CLEC16A: variants seen among roughly 807,000 people sequenced by gnomAD.
CLEC16A encodes C-type lectin domain containing 16A.
CLEC16A carries 51 observed loss-of-function variants against 109.5 expected under a neutral mutation model. The observed-to-expected ratio is 0.47, with a 90% confidence interval of 0.37 to 0.59. The LOEUF is 0.59. CLEC16A is among the 20% of genes least tolerant of loss of function. The probability of loss-of-function intolerance (pLI) is 0.00; values close to 1 mark genes in which losing one functional copy is unlikely to be tolerated. For synonymous variants in CLEC16A, 673 were observed against 564.2 expected, an observed-to-expected ratio of 1.19 and a Z score of -2.73; for missense variants, 1,339 against 1,394.0, an observed-to-expected ratio of 0.96 and a Z score of 0.63.
chr16:11,061,393 A>G (rs1442619245), intron 19 of CLEC16A, among the ~76,000 whole-genome samples: 1 of 152,218 alleles, frequency 6.6e-6, no homozygotes, highest in Non-Finnish European at 1.5e-5. Flanking sequence ...TAATGATAAA[A>G]GGGTTCTGCT....
chr16:11,168,761 A>C (rs2068380127), intron 23 of CLEC16A, among the ~76,000 whole-genome samples: 1 of 152,276 alleles, frequency 6.6e-6, no homozygotes, highest in South Asian at 2.1e-4. Flanking sequence ...AGATGGCTCC[A>C]ACATCTGCCT....
intron 19 of CLEC16A, among the ~76,000 whole-genome samples, chr16:11,104,026 C>T (rs545978902): frequency 6.6e-6 from 1 of 152,270 alleles, no homozygotes; most frequent in South Asian, 2.1e-4. Context: ...TCTGTGGGTA[C>T]CAGGATCCCC....
chr16:11,005,785 A>G (rs1180535823), intron 11 of CLEC16A, among the ~76,000 whole-genome samples: 2 of 152,134 alleles, frequency 1.3e-5, no homozygotes, highest in Non-Finnish European at 2.9e-5. Context: ...TTCTTCATTC[A>G]CATTGCATAC....
chr16:11,137,367 TG>T (rs981343702), intron 22 of CLEC16A, among the ~76,000 whole-genome samples: 8 of 152,038 alleles, frequency 5.3e-5, no homozygotes, highest in African/African-American at 1.7e-4. Flanking sequence ...ATTTGATTTT[TG>T]CCTTAAAATC....
chr16:11,055,337 T>A (rs1399333073), intron 18 of CLEC16A, among the ~76,000 whole-genome samples: 2 of 151,946 alleles, frequency 1.3e-5, no homozygotes, highest in Admixed American at 6.6e-5. Flanking sequence ...TCTGCAGAGT[T>A]GACATCTGAG....
At chr16:11,108,124 G>A (rs1950773786) in intron 19 of CLEC16A, among the ~76,000 whole-genome samples, 1 of 152,278 alleles carries the variant, frequency 6.6e-6, no homozygotes. Flanking sequence ...CAGCTTGGAA[G>A]GGTAGCCATC....
chr16:11,093,299 A>G (rs1300094702), intron 19 of CLEC16A, among the ~76,000 whole-genome samples: 2 of 152,202 alleles, frequency 1.3e-5, no homozygotes, highest in East Asian at 3.8e-4. Context: ...GGACATTTGG[A>G]GAACAAAGCC....
rs867662959 is a variant in CLEC16A at position 10,948,060 on chromosome 16, A to T, written c.80+3263A>T. 2.8e-4 allele frequency among the ~76,000 whole-genome samples: 43 copies of T among 151,964 alleles called. 1 individual carries two copies. Among genetic ancestry groups the T allele is most frequent in the South Asian group, 2.1e-4 (1 of 4,816 alleles). On this transcript the variant is annotated intron_variant, in intron 1 of 23. Coordinates refer to ENST00000409790, the MANE Select transcript of CLEC16A (RefSeq NM_015226.3). ...AGGCGCCCGCCACCACGCCCAGCTA[A>T]TTTTTTGTATTTTTAGTAGAGACGG...
chr16:11,069,465 C>A (rs898711076), intron 19 of CLEC16A, among the ~76,000 whole-genome samples: 1 of 151,720 alleles, frequency 6.6e-6, no homozygotes, highest in Non-Finnish European at 1.5e-5. Context: ...TACAAGGTCT[C>A]GCTCTGTCGT....
rs192618671 is a variant in CLEC16A, at chr16:10,948,100, A to G, written c.80+3303A>G. 1.4e-3 allele frequency among the ~76,000 whole-genome samples: 208 copies of G among 152,212 alleles called. 1 individual carries two copies. The highest frequency in any genetic ancestry group is 3.0e-3 in the African/African-American group (125 of 41,518). The stretch of plus-strand genomic sequence containing the variant: ...AGTAGAGACGGGGTTTCACCGTGTT[A>G]GCCAGGATGGTCTCGATCTCCTGAC... On this transcript the variant is annotated intron_variant, in intron 1 of 23. Transcript: ENST00000409790.
At chr16:11,117,067 G>A (rs7186295) in intron 19 of CLEC16A, among the ~76,000 whole-genome samples, 66,935 of 152,042 alleles carry the variant, frequency 0.44, 14,850 homozygotes, top group Middle Eastern at 0.49. Context: ...TAAGTGAATT[G>A]ATGTGGGAAC....
intron 5 of CLEC16A, chr16:10,972,352 T>G: frequency 1.7e-6 from 1 of 580,908 alleles, no homozygotes; most frequent in South Asian, 2.2e-5. Flanking sequence ...ATTGTGACCC[T>G]GGTCCAAGCC....
intron 15 of CLEC16A, among the ~76,000 whole-genome samples, chr16:11,042,580 A>G (rs1054056647): frequency 3.9e-5 from 6 of 152,136 alleles, no homozygotes; most frequent in African/African-American, 1.4e-4. Context: ...CACTTAATTG[A>G]GTTTTAGTAG....
intron 10 of CLEC16A, among the ~76,000 whole-genome samples, chr16:10,986,067 G>T (rs1023818742): frequency 8.1e-6 from 1 of 123,230 alleles, no homozygotes. Context: ...GTCTCGCTCT[G>T]TCGCCCAGGC....
intron 19 of CLEC16A, among the ~76,000 whole-genome samples, chr16:11,063,109 G>T (rs1056971433): frequency 6.6e-6 from 1 of 152,086 alleles, no homozygotes; most frequent in Non-Finnish European, 1.5e-5. Context: ...TTTTTGGGTA[G>T]TTGGCCATTA....
intron 10 of CLEC16A, among the ~76,000 whole-genome samples, chr16:11,001,266 T>A (rs2044654141): frequency 6.6e-6 from 1 of 152,150 alleles, no homozygotes; most frequent in Non-Finnish European, 1.5e-5. Flanking sequence ...TTCTATTTTT[T>A]GTAGAGATGG....
intron 19 of CLEC16A, among the ~76,000 whole-genome samples, chr16:11,113,149 T>C (rs766966183): frequency 1.3e-5 from 2 of 152,226 alleles, no homozygotes; most frequent in Non-Finnish European, 2.9e-5. Flanking sequence ...GTCAGAGAGC[T>C]CTTGGCTTCA....
rs2068827647 is a variant in CLEC16A, at chr16:11,178,043, T to C, written c.2807-292T>C. ...CAGCTGGGTCTCTGCACCCAGGAAC[T>C]GTGCTTTCATAAGCCACATGCTGAT... On this transcript the variant is annotated intron_variant, in intron 23 of 23. Coordinates refer to ENST00000409790, the MANE Select transcript of CLEC16A (RefSeq NM_015226.3). The surrounding 1 kb of genome is among the most constrained non-coding windows in gnomAD (Gnocchi z 6.5). Among the ~76,000 whole-genome samples the C allele has an allele frequency of 6.6e-6, 1 of 152,226 alleles. No individual in the cohort carries two copies. The highest frequency in any genetic ancestry group is 2.4e-5 in the African/African-American group (1 of 41,458).
At position 11,060,790 on chromosome 16, in the gene CLEC16A, G is replaced by A. The variant is rs543490890; in HGVS notation, c.1996-112G>A. ...AACACCCGAAGAGGTGGGCTTTATT[G>A]CGTTTCTTTCTTTTTTAATAGAGAG... is the stretch of plus-strand genomic sequence containing the variant. On this transcript the variant is annotated intron_variant, in intron 18 of 23. Coordinates refer to ENST00000409790, the MANE Select transcript of CLEC16A (RefSeq NM_015226.3). 49 of 1,150,832 alleles carry A rather than the reference G, an allele frequency of 4.3e-5. No homozygotes were observed. The East Asian group carries it at 1.4e-3, about 32-fold the overall frequency. 71.3% of individuals were successfully genotyped at this position (1,150,832 alleles called of 1,614,324 possible). A position where few individuals can be genotyped will look rare whatever the true frequency, so the allele number is the denominator to read the frequency against.
Sources: gnomAD v4.1 joint callset for allele counts (sites outside exome capture counted in the v4.1 genomes callset) on GRCh38, gnomAD v4.1.1 for gene constraint, Gnocchi (gnomAD v3.1) non-coding constraint, MANE v1.5 for transcripts, NCBI Gene and HGNC (gene_info 2026-07-23, HGNC 2026-07-21) for gene names.